Variants in LRP6 observed in about 807,000 individuals in gnomAD.
LRP6 encodes the protein LDL receptor related protein 6.
Under a neutral mutation model 184.1 loss-of-function variants are expected in LRP6, and 43 were observed. That is an observed-to-expected ratio of 0.23 (90% CI 0.18 to 0.30). The LOEUF (loss-of-function observed/expected upper bound fraction) is 0.30, where lower values mean the gene tolerates loss of function less well. Among genes scored for constraint, LRP6 ranks in the 10% least tolerant of loss-of-function variants. The pLI, the probability that LRP6 is intolerant of heterozygous loss-of-function variation, is 1.00. For missense variants in LRP6, 1,571 were observed against 2,005.3 expected, an observed-to-expected ratio of 0.78 and a Z score of 4.14; for synonymous variants, 719 against 684.9, an observed-to-expected ratio of 1.05 and a Z score of -0.78.
At chr12:12,248,244 G>A (rs1201056515) in intron 1 of LRP6, among the ~76,000 whole-genome samples, 3 of 151,954 alleles carry the variant, frequency 2.0e-5, no homozygotes, top group African/African-American at 2.4e-5. Context: ...AATGGTTTAC[G>A]CCAGGTTCCT....
At chr12:12,126,021 C>T (rs1467925640) in intron 20 of LRP6, among the ~76,000 whole-genome samples, 1 of 152,128 alleles carries the variant, frequency 6.6e-6, no homozygotes, top group East Asian at 1.9e-4. Flanking sequence ...AGAGTTACAC[C>T]CATAGTAAGT....
intron 12 of LRP6, among the ~76,000 whole-genome samples, chr12:12,154,108 A>C (rs888892521): frequency 6.6e-6 from 1 of 152,188 alleles, no homozygotes; most frequent in African/African-American, 2.4e-5. Context: ...TGAATAAAGG[A>C]TTACACAATC....
At position 12,164,270 on chromosome 12, in the gene LRP6, A is replaced by T. The variant is rs752224599; in HGVS notation, c.2052+3T>A. The stretch of plus-strand genomic sequence containing the variant: ...GCTTTAATATTCCAATTCTTTTGCT[A>T]ACCTTGAGTGATATATCAGTCCAAT... On this transcript the variant is annotated splice_donor_region_variant and intron_variant, in intron 9 of 22. Coordinates refer to ENST00000261349, the MANE Select transcript of LRP6 (RefSeq NM_002336.3). 8 of 1,613,482 alleles carry T rather than the reference A, an allele frequency of 5.0e-6. No individual in the cohort carries two copies. Among genetic ancestry groups the T allele is most frequent in the Non-Finnish European group, 6.8e-6 (8 of 1,179,794 alleles).
chr12:12,133,339 T>C (rs138522869), intron 17 of LRP6, among the ~76,000 whole-genome samples: 364 of 152,244 alleles, frequency 2.4e-3, no homozygotes, highest in African/African-American at 8.5e-3. Context: ...GGGGGGTAGA[T>C]CCCTCATGCC....
chr12:12,230,614 T>C (rs899703105), intron 2 of LRP6, among the ~76,000 whole-genome samples: 4 of 152,134 alleles, frequency 2.6e-5, no homozygotes. Context: ...AATATACATA[T>C]TAGCAAGTAT....
At chr12:12,137,932 G>A (rs1045649034) in intron 16 of LRP6, among the ~76,000 whole-genome samples, 5 of 151,888 alleles carry the variant, frequency 3.3e-5, no homozygotes, top group African/African-American at 1.2e-4. Flanking sequence ...GGAGGCCAAG[G>A]TGGGCAGATC....
chr12:12,237,871 A>G (rs749744750), intron 2 of LRP6, among the ~76,000 whole-genome samples: 1 of 152,262 alleles, frequency 6.6e-6, no homozygotes, highest in Non-Finnish European at 1.5e-5. Flanking sequence ...ACTAATGGGG[A>G]AAACGGAGAA....
intron 1 of LRP6, chr12:12,249,366 TA>T: frequency 9.7e-7 from 1 of 1,032,696 alleles, no homozygotes. Context: ...CTTTGGCGCC[TA>T]ATGGTGTCTA....
chr12:12,174,052 G>A (rs1325077415), intron 7 of LRP6, among the ~76,000 whole-genome samples: 1 of 152,028 alleles, frequency 6.6e-6, no homozygotes, highest in Non-Finnish European at 1.5e-5. Flanking sequence ...GCACAAATGG[G>A]CAAATATTTA....
intron 7 of LRP6, among the ~76,000 whole-genome samples, chr12:12,171,907 A>G (rs12833575): frequency 0.039 from 5,902 of 152,332 alleles, 141 homozygotes; most frequent in Non-Finnish European, 0.06. Context: ...ATATTCCTGT[A>G]AAAGTTTTGG....
intron 1 of LRP6, among the ~76,000 whole-genome samples, chr12:12,253,766 C>T (rs1253285460): frequency 6.6e-6 from 1 of 152,118 alleles, no homozygotes; most frequent in Non-Finnish European, 1.5e-5. Context: ...TTGTCATCTA[C>T]AGATAGTTTT....
At position 12,138,502 on chromosome 12, in the gene LRP6, T is replaced by G. The variant is rs1949878272; in HGVS notation, c.3430A>C (p.Ile1144Leu). The stretch of plus-strand genomic sequence containing the variant: ...ACAGTAAGTCCCACAGGCTGCAAGA[T>G]ATTGGAGTCTTCTAATACTATCCGG... ...ANRIVLEDSN[I>L]LQPVGLTVFE... The change falls in exon 16 of 23, where the codon ATC becomes CTC. Residue 1144 changes from isoleucine to leucine, a missense_variant. Transcript: ENST00000261349. 1.2e-6 allele frequency: 2 copies of G among 1,614,110 alleles called. No individual in the cohort carries two copies. Among genetic ancestry groups the G allele is most frequent in the South Asian group, 2.2e-5 (2 of 91,080 alleles).
chr12:12,175,882 T>G (rs184617541), intron 7 of LRP6, among the ~76,000 whole-genome samples: 72 of 151,826 alleles, frequency 4.7e-4, no homozygotes, highest in African/African-American at 1.6e-3. Flanking sequence ...CTCAAGAAAA[T>G]TTAAGCTAAT....
intron 10 of LRP6, among the ~76,000 whole-genome samples, chr12:12,161,516 C>A (rs555740884): frequency 6.6e-6 from 1 of 152,124 alleles, no homozygotes; most frequent in African/African-American, 2.4e-5. Context: ...GATCTGCCCA[C>A]GCCTCGGCCT....
chr12:12,125,047 G>A (rs895443036), intron 21 of LRP6, among the ~76,000 whole-genome samples: 4 of 152,180 alleles, frequency 2.6e-5, no homozygotes, highest in Admixed American at 2.6e-4. Context: ...GTACCATTCA[G>A]TAGTTCTACT....
chr12:12,250,463 T>C (rs985577523), intron 1 of LRP6, among the ~76,000 whole-genome samples: 10 of 151,688 alleles, frequency 6.6e-5, no homozygotes, highest in African/African-American at 2.4e-4. Context: ...CCTTAGTCTT[T>C]AGTACTTACA....
chr12:12,138,289 G>A, intron 16 of LRP6, 36 bp downstream of exon 16: 2 of 1,497,112 alleles, frequency 1.3e-6, no homozygotes, highest in Non-Finnish European at 9.3e-7. Context: ...TATAACACAT[G>A]ATTCCTCCAA....
At chr12:12,217,610 G>T (rs1436714381) in intron 2 of LRP6, among the ~76,000 whole-genome samples, 1 of 152,144 alleles carries the variant, frequency 6.6e-6, no homozygotes, top group East Asian at 1.9e-4. Flanking sequence ...AAGCTATAGG[G>T]ACTCAGATTT....
intron 1 of LRP6, among the ~76,000 whole-genome samples, chr12:12,257,487 G>C (rs369767853): frequency 6.6e-6 from 1 of 150,728 alleles, no homozygotes; most frequent in Admixed American, 6.6e-5. Flanking sequence ...AAGCTGAGGC[G>C]GGAGAATGGC....
Sources: allele counts gnomAD v4.1 joint callset (sites outside exome capture counted in the v4.1 genomes callset), GRCh38; gene constraint gnomAD v4.1.1; transcripts MANE v1.5; gene names NCBI Gene and HGNC (gene_info 2026-07-23, HGNC 2026-07-21).